Variants in TRMT10A observed in about 807,000 individuals in gnomAD.
TRMT10A encodes tRNA methyltransferase 10 homolog A.
Under a neutral mutation model 40.4 loss-of-function variants are expected in TRMT10A, and 37 were observed. The ratio of observed to expected loss-of-function variants is 0.92; its 90% CI spans 0.71 to 1.21. The LOEUF is 1.21. Among genes scored for constraint, TRMT10A ranks in the 50% most tolerant of loss-of-function variants. The pLI is 0.00. For synonymous variants in TRMT10A, 103 were observed against 134.1 expected (o/e 0.77, Z 1.60); for missense variants, 388 against 404.3 (o/e 0.96, Z 0.35).
At position 99,549,210 on chromosome 4, in the gene TRMT10A, C is replaced by G. The variant is rs772796831; in HGVS notation, c.898G>C (p.Gly300Arg). The change falls in exon 8 of 8, where the codon GGT becomes CGT. Residue 300 changes from glycine to arginine, a missense_variant. By Grantham distance (125) the Gly-to-Arg change is moderately radical (BLOSUM62 -2). Transcript: ENST00000394876. ...TCACTGGAATCACTGTCCGATCCAC[C>G]TTCCTCCATCCTGACAGACTGATTG... ...HDNQSVRMEE[G>R]GSDSDSSEEE... 56 of 1,613,966 alleles carry G rather than the reference C, an allele frequency of 3.5e-5. No homozygotes were observed. The highest frequency in any genetic ancestry group is 4.7e-5 in the Non-Finnish European group (55 of 1,180,014).
rs1723781916 is a variant in TRMT10A at position 99,547,490 on chromosome 4, A to G, written c.*1598T>C. The G allele has an allele frequency of 6.6e-6, 1 of 152,170 alleles. No individual in the cohort carries two copies. The highest frequency in any genetic ancestry group is 1.5e-5 in the Non-Finnish European group (1 of 68,032). 9.4% of individuals were successfully genotyped at this position (152,170 alleles called of 1,614,324 possible). On this transcript the variant is annotated 3_prime_UTR_variant, in exon 8 of 8. Coordinates refer to ENST00000394876, the MANE Select transcript of TRMT10A (RefSeq NM_001134665.3). ...GAATGATTTTCCCCCTTTCATAATTAAACAGTGCCCTATTTTACATAAAAT... is the reference window on the plus strand; with the variant it reads ...GAATGATTTTCCCCCTTTCATAATTGAACAGTGCCCTATTTTACATAAAAT...
Position 99,558,075 on chromosome 4 carries a change from TAC to T in TRMT10A, c.320_321del (p.Cys107Ter), listed in dbSNP as rs1724236769. 2 of 1,603,926 alleles carry T rather than the reference TAC, an allele frequency of 1.2e-6. No individual in the cohort carries two copies. Among genetic ancestry groups the T allele is most frequent in the African/African-American group, 1.3e-5 (1 of 74,230 alleles). On this transcript the variant is annotated frameshift_variant, in exon 3 of 8. Coordinates refer to ENST00000394876, the MANE Select transcript of TRMT10A (RefSeq NM_001134665.3). LOFTEE classifies it high-confidence loss of function. ...VHSTLRLIID[C>X]SFDHLMVLKD... ...TTTAATACCATCAAGTGATCAAAAC[TAC>T]AGTCAATAATAAGGCGAAGGGTGCT...
chr4:99,552,887 G>GT (rs1298076273), intron 6 of TRMT10A, among the ~76,000 whole-genome samples: 2 of 151,756 alleles, frequency 1.3e-5, no homozygotes, highest in African/African-American at 4.9e-5. Context: ...TGCATACTTG[G>GT]TGGGGGGGGG....
chr4:99,556,334 C>G (rs1384587118), intron 4 of TRMT10A, 114 bp from the exon 5 acceptor site: 11 of 989,102 alleles, frequency 1.1e-5, no homozygotes, highest in Non-Finnish European at 1.2e-5. Context: ...TATATTTATT[C>G]TCATTCATCT....
intron 7 of TRMT10A, among the ~76,000 whole-genome samples, chr4:99,550,621 T>C (rs1281806506): frequency 2.0e-5 from 3 of 152,120 alleles, no homozygotes; most frequent in Non-Finnish European, 2.9e-5. Flanking sequence ...TATATATACA[T>C]AGGAAAAGAA....
Position 99,559,289 on chromosome 4 carries a change from T to G in TRMT10A, c.50A>C (p.Lys17Thr), listed in dbSNP as rs982732225. The change falls in exon 2 of 8, where the codon AAA (lysine) becomes ACA (threonine). Residue 17 changes from lysine to threonine, a missense_variant. By Grantham distance (78) the Lys-to-Thr change is moderately conservative. Transcript: ENST00000394876. The part of the protein sequence containing the change: ...PAFIETSNVD[K>T]KQGINEDQEE... ...TTGATCTTCATTTATGCCTTGCTTT[T>G]TGTCAACATTAGAAGTTTCAATAAA... 2 of 1,613,164 alleles carry G rather than the reference T, an allele frequency of 1.2e-6. No homozygotes were observed. The highest frequency in any genetic ancestry group is 1.7e-6 in the Non-Finnish European group (2 of 1,179,440).
Position 99,555,451 on chromosome 4 carries a change from C to A in TRMT10A, c.495+695G>T, listed in dbSNP as rs116272990. Among the ~76,000 whole-genome samples, 444 of 152,196 alleles carry A rather than the reference C, an allele frequency of 2.9e-3. 3 individuals are homozygous for A. Among genetic ancestry groups the A allele is most frequent in the African/African-American group, 0.01 (426 of 41,536 alleles). On this transcript the variant is annotated intron_variant, in intron 5 of 7. Transcript: ENST00000394876. ...TCTATTTAGTCACCTTTACCAATGA[C>A]TGAGAACAATTTGGTCCAATAGAAA... is the stretch of plus-strand genomic sequence containing the variant.
chr4:99,550,045 A>G (rs1560597362), intron 7 of TRMT10A, among the ~76,000 whole-genome samples: 1 of 152,240 alleles, frequency 6.6e-6, no homozygotes, highest in Admixed American at 6.5e-5. Flanking sequence ...TTTTTAAAGC[A>G]AAGTCCAGGC....
At chr4:99,561,368 T>C (rs1440122389) in intron 1 of TRMT10A, among the ~76,000 whole-genome samples, 1 of 152,150 alleles carries the variant, frequency 6.6e-6, no homozygotes, top group Non-Finnish European at 1.5e-5. Flanking sequence ...AAATTTAATA[T>C]GACCTGTCAT....
intron 7 of TRMT10A, among the ~76,000 whole-genome samples, chr4:99,550,410 G>A (rs928872296): frequency 3.3e-5 from 5 of 152,072 alleles, no homozygotes; most frequent in African/African-American, 9.7e-5. Flanking sequence ...GGCTGTGTTC[G>A]AACTCCTGGG....
At chr4:99,557,296 A>C (rs1201709539) in intron 4 of TRMT10A, 49 bp downstream of exon 4, 22 of 1,543,832 alleles carry the variant, frequency 1.4e-5, no homozygotes, top group Non-Finnish European at 2.0e-5. Flanking sequence ...CTTTTGCCAC[A>C]AAAGACATAA....
chr4:99,548,233 G>C lies in TRMT10A; in HGVS notation c.*855C>G, dbSNP rs1200755961. On this transcript the variant is annotated 3_prime_UTR_variant, in exon 8 of 8. Transcript: ENST00000394876. ...TTAGTATGCATATTCTTAGAGAAGA[G>C]GAGGCAGATGCACCTATAAACTTTA... 6.6e-6 allele frequency: 1 copy of C among 151,904 alleles called. No individual in the cohort carries two copies. The highest frequency in any genetic ancestry group is 1.5e-5 in the Non-Finnish European group (1 of 67,942). 9.4% of individuals were successfully genotyped at this position (151,904 alleles called of 1,614,324 possible). A position where few individuals can be genotyped will look rare whatever the true frequency, so the allele number is the denominator to read the frequency against.
At position 99,562,203 on chromosome 4, in the gene TRMT10A, G is replaced by GTGTGTGTGTGTT. The variant is rs747562692; in HGVS notation, c.-24+1709_-24+1710insAACACACACACA. ...AAAAAAAAATTATATATATATATATGTGTGTGTGTGTGTGTGTGTGTGTGA... is the reference window on the plus strand; with the variant it reads ...AAAAAAAAATTATATATATATATATGTGTGTGTGTGTTTGTGTGTGTGTGTGTGTGTGTGTGA... On this transcript the variant is annotated intron_variant, in intron 1 of 7. Coordinates refer to ENST00000394876, the MANE Select transcript of TRMT10A (RefSeq NM_001134665.3). Among the ~76,000 whole-genome samples, 1,274 of 129,070 alleles carry GTGTGTGTGTGTT rather than the reference G, an allele frequency of 9.9e-3. 9 individuals are homozygous for GTGTGTGTGTGTT. Among genetic ancestry groups the GTGTGTGTGTGTT allele is most frequent in the Non-Finnish European group, 0.015 (913 of 61,338 alleles). The allele number at this position is 129,070 out of a possible 152,430, so 84.7% of individuals were successfully genotyped here.
intron 6 of TRMT10A, 119 bp from the exon 7 acceptor site, chr4:99,551,109 T>C (rs1407152829): frequency 3.0e-6 from 2 of 672,878 alleles, no homozygotes; most frequent in South Asian, 2.2e-5. Flanking sequence ...CAGAGAATAT[T>C]ATCTGAATGG....
chr4:99,549,449 T>C, intron 7 of TRMT10A, 93 bp from the exon 8 acceptor site: 1 of 1,477,648 alleles, frequency 6.8e-7, no homozygotes, highest in Non-Finnish European at 9.2e-7. Context: ...GTGTTAAGAG[T>C]GCTAGTTTGT....
chr4:99,557,857 TACAC>T, intron 3 of TRMT10A, 188 bp downstream of exon 3: 1 of 555,210 alleles, frequency 1.8e-6, no homozygotes, highest in East Asian at 3.2e-5. Flanking sequence ...CACACACACA[TACAC>T]ACATATATAA....
Position 99,557,346 on chromosome 4 carries a change from T to C in TRMT10A, c.419A>G (p.Gln140Arg), listed in dbSNP as rs2110190459. ...CTGCTTTAAAATCTTTACACATACC[T>C]GCACAGGATGCAGTGCCCGTCGGTT... is the stretch of plus-strand genomic sequence containing the variant. The part of the protein sequence containing the change: ...AENRRALHPV[Q>R]FYLTSHGGQL... Residue 140 changes from glutamine to arginine, a missense_variant and splice_region_variant, in exon 4 of 8, where the codon CAG becomes CGG. Physicochemically the swap from Gln to Arg is conservative, Grantham distance 43. Transcript: ENST00000394876. The C allele has an allele frequency of 6.2e-7, 1 of 1,612,372 alleles. No individual in the cohort carries two copies. The highest frequency in any genetic ancestry group is 2.2e-5 in the East Asian group (1 of 44,798).
At chr4:99,551,928 T>A (rs1215546512) in intron 6 of TRMT10A, among the ~76,000 whole-genome samples, 1 of 106,968 alleles carries the variant, frequency 9.3e-6, no homozygotes, top group Non-Finnish European at 2.0e-5. Context: ...AGAGGAAAAT[T>A]TTTTTTTTAA....
intron 5 of TRMT10A, among the ~76,000 whole-genome samples, chr4:99,555,913 G>T (rs575425271): frequency 6.6e-6 from 1 of 152,112 alleles, no homozygotes; most frequent in South Asian, 2.1e-4. Flanking sequence ...TTAAAAATAC[G>T]TTTTAAAAGT....
Sources: allele counts gnomAD v4.1 joint callset (sites outside exome capture counted in the v4.1 genomes callset), GRCh38; gene constraint gnomAD v4.1.1; transcripts MANE v1.5; gene names NCBI Gene and HGNC (gene_info 2026-07-23, HGNC 2026-07-21).